IGF2BP3: variants seen among roughly 807,000 people sequenced by gnomAD.
The protein encoded by IGF2BP3 is insulin-like growth factor 2 mRNA-binding protein 3.
A neutral mutation model predicts 73.8 loss-of-function variants in IGF2BP3; 9 were observed. The ratio of observed to expected loss-of-function variants is 0.12; its 90% CI spans 0.07 to 0.21. IGF2BP3 has a LOEUF of 0.21. Among genes scored for constraint, IGF2BP3 ranks in the 10% least tolerant of loss-of-function variants. IGF2BP3 has a pLI of 1.00. For synonymous variants in IGF2BP3, 258 were observed against 256.7 expected, an observed-to-expected ratio of 1.01 and a Z score of -0.05; for missense variants, 542 against 714.0, an observed-to-expected ratio of 0.76 and a Z score of 2.75.
At chr7:23,352,280 T>A (rs1784983486) in intron 5 of IGF2BP3, among the ~76,000 whole-genome samples, 2 of 35,814 alleles carry the variant, frequency 5.6e-5, no homozygotes, top group Non-Finnish European at 1.0e-4. Flanking sequence ...TCTTTTTCAT[T>A]TTTTTTTTTT....
At chr7:23,365,946 T>G (rs1261723719) in intron 3 of IGF2BP3, 2 of 152,214 alleles carry the variant, frequency 1.3e-5, no homozygotes, top group Non-Finnish European at 2.9e-5. Flanking sequence ...CTTTCAAAAA[T>G]CTATAGTCAG....
In IGF2BP3 at chr7:23,319,206, C is replaced by T; in HGVS notation, c.1252G>A (p.Gly418Ser). The change falls in exon 11 of 15, where the codon GGT (glycine) becomes AGT (serine). Residue 418 changes from glycine (G) to serine (S), a missense_variant. Transcript: ENST00000258729. ...VHLFIPALSV[G>S]AIIGKQGQHI... Reference sequence around the variant, plus strand: ...TGGCCCTGCTTGCCGATGATGGCACCGACTGATAGAGCTGGGATAAACAGA... The same window carrying T: ...TGGCCCTGCTTGCCGATGATGGCACTGACTGATAGAGCTGGGATAAACAGA... 6.2e-7 allele frequency: 1 copy of T among 1,613,684 alleles called. No homozygotes were observed. The highest frequency in any genetic ancestry group is 8.5e-7 in the Non-Finnish European group (1 of 1,179,798).
At chr7:23,403,601 C>T (rs1338617539) in intron 3 of IGF2BP3, among the ~76,000 whole-genome samples, 1 of 152,028 alleles carries the variant, frequency 6.6e-6, no homozygotes, top group Non-Finnish European at 1.5e-5. Flanking sequence ...AGAAGTCATC[C>T]TTATTTCCAC....
chr7:23,376,725 G>A (rs985436795), intron 3 of IGF2BP3, among the ~76,000 whole-genome samples: 3 of 151,970 alleles, frequency 2.0e-5, no homozygotes, highest in Non-Finnish European at 4.4e-5. Flanking sequence ...AAAATTACCT[G>A]GGAATGGTGG....
At chr7:23,378,033 T>C (rs1411474939) in intron 3 of IGF2BP3, among the ~76,000 whole-genome samples, 1 of 152,184 alleles carries the variant, frequency 6.6e-6, no homozygotes, top group Non-Finnish European at 1.5e-5. Context: ...TTAGTGGTGA[T>C]ACTTCCAAAC....
At chr7:23,468,384 A>G in intron 2 of IGF2BP3, 98 bp downstream of exon 2, 1 of 1,214,426 alleles carries the variant, frequency 8.2e-7, no homozygotes, top group Non-Finnish European at 1.2e-6. Context: ...GCCACACGGC[A>G]GGGGGTAAGC....
chr7:23,384,095 C>CAAAAAAAAAAAAAAAAAAAAAAAAAA (rs35378177), intron 3 of IGF2BP3, among the ~76,000 whole-genome samples: 1 of 62,530 alleles, frequency 1.6e-5, no homozygotes. Context: ...GACTCCATCT[C>CAAAAAAAAAAAAAAAAAAAAAAAAAA]AAAAAAAAAA....
chr7:23,347,329 C>T (rs1784853255), intron 7 of IGF2BP3, among the ~76,000 whole-genome samples: 1 of 152,158 alleles, frequency 6.6e-6, no homozygotes, highest in Non-Finnish European at 1.5e-5. Flanking sequence ...TCCAGGATAC[C>T]TCCTGGTCCT....
chr7:23,363,935 T>G (rs2128508837), intron 3 of IGF2BP3, among the ~76,000 whole-genome samples: 1 of 152,288 alleles, frequency 6.6e-6, no homozygotes, highest in Non-Finnish European at 1.5e-5. Flanking sequence ...AACACATAAT[T>G]CCTTAAATTA....
intron 3 of IGF2BP3, among the ~76,000 whole-genome samples, chr7:23,373,799 GGGCAGACC>G (rs1463948459): frequency 6.6e-6 from 1 of 152,180 alleles, no homozygotes; most frequent in Admixed American, 6.5e-5. Flanking sequence ...AGGGTCATGG[GGGCAGACC>G]CTTCATAAAT....
intron 10 of IGF2BP3, 50 bp from the exon 11 acceptor site, chr7:23,319,304 G>T: frequency 7.9e-7 from 1 of 1,258,366 alleles, no homozygotes; most frequent in Non-Finnish European, 1.1e-6. Flanking sequence ...TACAAATCAG[G>T]CTTTTGTTAA....
In IGF2BP3 at chr7:23,433,113, G is replaced by C. The variant is rs1324187569; in HGVS notation, c.237-14289C>G. 2.0e-5 allele frequency among the ~76,000 whole-genome samples: 3 copies of C among 152,164 alleles called. No homozygotes were observed. In the East Asian group the frequency reaches 5.8e-4, roughly 29 times the overall value. On this transcript the variant is annotated intron_variant, in intron 2 of 14. Coordinates refer to ENST00000258729, the MANE Select transcript of IGF2BP3 (RefSeq NM_006547.3). ...TTGTACTTATCTTCCTAAAAAATTA[G>C]AGTGGTAAGAAAGGAATAAAGAACT...
At chr7:23,416,806 C>A (rs994550321) in intron 3 of IGF2BP3, among the ~76,000 whole-genome samples, 2 of 152,198 alleles carry the variant, frequency 1.3e-5, no homozygotes, top group African/African-American at 4.8e-5. Context: ...GTAATCCCAG[C>A]ACTTTGGGAG....
chr7:23,427,372 C>T (rs1026381411), intron 2 of IGF2BP3, among the ~76,000 whole-genome samples: 1 of 152,120 alleles, frequency 6.6e-6, no homozygotes, highest in African/African-American at 2.4e-5. Flanking sequence ...CCAATTCATT[C>T]TTCCCCTTCC....
intron 3 of IGF2BP3, among the ~76,000 whole-genome samples, chr7:23,396,172 G>A (rs1448468322): frequency 6.6e-6 from 1 of 151,890 alleles, no homozygotes; most frequent in African/African-American, 2.4e-5. Context: ...GATAACATGG[G>A]AGGACAGAGC....
At chr7:23,457,661 C>G (rs1788354994) in intron 2 of IGF2BP3, among the ~76,000 whole-genome samples, 1 of 152,110 alleles carries the variant, frequency 6.6e-6, no homozygotes, top group African/African-American at 2.4e-5. Flanking sequence ...AGTAAAAGCA[C>G]AAATTATAAA....
At chr7:23,338,421 A>C (rs1450268603) in intron 10 of IGF2BP3, among the ~76,000 whole-genome samples, 1 of 152,156 alleles carries the variant, frequency 6.6e-6, no homozygotes, top group African/African-American at 2.4e-5. Flanking sequence ...CTTGGGAGTC[A>C]GAGGTGGGAG....
Position 23,416,009 on chromosome 7 carries a change from T to C in IGF2BP3, c.285+2767A>G, listed in dbSNP as rs538940168. ...TTGTGTACTTATATGTACCAAGCAC[T>C]GTTTTAAAGGCTTTATCATGCATAA... On this transcript the variant is annotated intron_variant, in intron 3 of 14. Transcript: ENST00000258729. The C allele has an allele frequency of 1.4e-4, 22 of 152,360 alleles. No individual in the cohort carries two copies. The East Asian group carries it at 4.2e-3, about 29-fold the overall frequency. 9.4% of individuals were successfully genotyped at this position (152,360 alleles called of 1,614,324 possible). A position where few individuals can be genotyped will look rare whatever the true frequency, so the allele number is the denominator to read the frequency against.
chr7:23,439,806 C>A (rs1285954545), intron 2 of IGF2BP3, among the ~76,000 whole-genome samples: 1 of 152,082 alleles, frequency 6.6e-6, no homozygotes, highest in Non-Finnish European at 1.5e-5. Flanking sequence ...GGTGGGAGCA[C>A]CAAGCACCAA....
Sources: allele counts gnomAD v4.1 joint callset (sites outside exome capture counted in the v4.1 genomes callset), GRCh38; gene constraint gnomAD v4.1.1; transcripts MANE v1.5; gene names NCBI Gene and HGNC (gene_info 2026-07-23, HGNC 2026-07-21).